NIBAN3: variants seen among roughly 807,000 people sequenced by gnomAD.
The protein encoded by NIBAN3 is niban apoptosis regulator 3, also known as protein Niban 3.
In NIBAN3, 66 loss-of-function variants were observed where a neutral mutation model predicts 76.4. The ratio of observed to expected loss-of-function variants is 0.86; its 90% CI spans 0.71 to 1.06. The LOEUF (loss-of-function observed/expected upper bound fraction) is 1.06, where lower values mean the gene tolerates loss of function less well. NIBAN3 is among the 50% of genes least tolerant of loss of function. The pLI, the probability that NIBAN3 is intolerant of heterozygous loss-of-function variation, is 0.00. For missense variants in NIBAN3, 808 were observed against 810.7 expected (o/e 1.00, Z 0.04); for synonymous variants, 360 against 355.2 (o/e 1.01, Z -0.15).
intron 3 of NIBAN3, 121 bp from the exon 4 acceptor site, chr19:17,533,466 A>T (rs1463229357): frequency 2.4e-6 from 1 of 419,672 alleles, no homozygotes; most frequent in Non-Finnish European, 4.0e-6. Context: ...AGAGGGAGGG[A>T]GGGGTGGGAG....
intron 4 of NIBAN3, 59 bp from the exon 5 acceptor site, chr19:17,537,317 G>T: frequency 6.5e-7 from 1 of 1,540,312 alleles, no homozygotes; most frequent in Non-Finnish European, 8.9e-7. Flanking sequence ...ATGCATTTCA[G>T]GGGTATTTTC....
chr19:17,527,193 C>T (rs576108729), upstream of NIBAN3: 8 of 1,540,916 alleles, frequency 5.2e-6, no homozygotes, highest in South Asian at 7.2e-5. Flanking sequence ...GTGGGGAGGA[C>T]GCAGGTGCAG....
chr19:17,540,072 C>T (rs1599736717), intron 8 of NIBAN3: 1 of 431,600 alleles, frequency 2.3e-6, no homozygotes, highest in East Asian at 3.7e-5. Context: ...ATAGGCGTGG[C>T]CTTGAGGCTG....
At chr19:17,555,434 G>A (rs2076203456), downstream of NIBAN3, among the ~76,000 whole-genome samples, 2 of 152,158 alleles carry the variant, frequency 1.3e-5, no homozygotes, top group Admixed American at 1.3e-4. Flanking sequence ...GAGGAAGCGC[G>A]GGTTCCTAAC....
chr19:17,539,725 G>C lies in NIBAN3; in HGVS notation c.939G>C (p.Gln313His). ...LEKTIRPDVD[Q>H]LLRQRARVAG... ...AGACGATCCGCCCGGACGTGGACCA[G>C]CTGCTGCGGCAGCGGGCGCGTGTGG... Residue 313 changes from glutamine to histidine, a missense_variant, in exon 8 of 15, where the codon CAG (glutamine) becomes CAC (histidine). By Grantham distance (24) the Gln-to-His change is conservative. Transcript: ENST00000599164. 6.5e-7 allele frequency: 1 copy of C among 1,543,908 alleles called. No homozygotes were observed.
At chr19:17,535,827 C>T (rs1385390680) in intron 4 of NIBAN3, among the ~76,000 whole-genome samples, 1 of 151,756 alleles carries the variant, frequency 6.6e-6, no homozygotes, top group Non-Finnish European at 1.5e-5. Context: ...TCACTCGAGC[C>T]TAGGAGTTTG....
Position 17,553,372 on chromosome 19 carries a change from C to T in NIBAN3, c.*1474C>T, listed in dbSNP as rs765719293. 1 of 1,614,054 alleles carries T rather than the reference C, an allele frequency of 6.2e-7. No individual in the cohort carries two copies. Among genetic ancestry groups the T allele is most frequent in the Non-Finnish European group, 8.5e-7 (1 of 1,180,054 alleles). The stretch of plus-strand genomic sequence containing the variant: ...TGGGAGACAAGCTTTTACCGACTTC[C>T]TCTGCTTGCCAGCAAAGTCATCTGC... On this transcript the variant is annotated 3_prime_UTR_variant, in exon 15 of 15. Coordinates refer to ENST00000599164, the MANE Select transcript of NIBAN3 (RefSeq NM_001321827.2).
chr19:17,531,934 A>G (rs1190923765), intron 2 of NIBAN3, among the ~76,000 whole-genome samples: 1 of 152,212 alleles, frequency 6.6e-6, no homozygotes, highest in Admixed American at 6.5e-5. Context: ...AGGCACAGAG[A>G]GGCCAAATGG....
At chr19:17,535,541 C>G (rs191623016) in intron 4 of NIBAN3, among the ~76,000 whole-genome samples, 2 of 152,248 alleles carry the variant, frequency 1.3e-5, no homozygotes, top group African/African-American at 4.8e-5. Context: ...GGGCAGATCA[C>G]CTGAGGTCCC....
Position 17,540,495 on chromosome 19 carries a change from G to T in NIBAN3, c.1083G>T (p.Glu361Asp). Reference protein sequence around the residue: ...TLLRTVEASLEAVRTLLAQGM... With the variant: ...TLLRTVEASLDAVRTLLAQGM... ...TGCGCACCGTGGAAGCCTCGCTCGA[G>T]GCGGTGCGGACCCTCCTGGCTCAAG... Residue 361 changes from glutamate to aspartate, a missense_variant, in exon 9 of 15, where the codon GAG becomes GAT. Coordinates refer to ENST00000599164, the MANE Select transcript of NIBAN3 (RefSeq NM_001321827.2). 1 of 1,600,112 alleles carries T rather than the reference G, an allele frequency of 6.2e-7. No individual in the cohort carries two copies.
At chr19:17,555,447 T>A (rs2076203548), downstream of NIBAN3, 1 of 207,724 alleles carries the variant, frequency 4.8e-6, no homozygotes, top group Admixed American at 6.0e-5. Flanking sequence ...TTCCTAACCC[T>A]AACGCTACCC....
intron 2 of NIBAN3, among the ~76,000 whole-genome samples, chr19:17,531,804 GA>G (rs1261969565): frequency 6.6e-6 from 1 of 152,166 alleles, no homozygotes; most frequent in African/African-American, 2.4e-5. Context: ...AAAGTGCTGG[GA>G]TTACAAGCGT....
Position 17,540,372 on chromosome 19 carries a change from C to T in NIBAN3, c.980-20C>T, listed in dbSNP as rs1250273782. On this transcript the variant is annotated intron_variant, in intron 8 of 14. Transcript: ENST00000599164. ...GGCACCTTGCGGAGGGGACTCCAGACCAGTGTCTTCCACTCCCAGCGGATA... is the reference window on the plus strand; with the variant it reads ...GGCACCTTGCGGAGGGGACTCCAGATCAGTGTCTTCCACTCCCAGCGGATA... The T allele has an allele frequency of 2.1e-6, 3 of 1,448,732 alleles. No individual in the cohort carries two copies. Among genetic ancestry groups the T allele is most frequent in the African/African-American group, 1.5e-5 (1 of 68,204 alleles). The allele number at this position is 1,448,732 out of a possible 1,614,324, so 89.7% of individuals were successfully genotyped here.
intron 9 of NIBAN3, among the ~76,000 whole-genome samples, chr19:17,541,829 G>A (rs2075958648): frequency 6.6e-6 from 1 of 151,922 alleles, no homozygotes; most frequent in South Asian, 2.1e-4. Flanking sequence ...GAGTACAGGT[G>A]TGTGCCACTA....
At position 17,539,470 on chromosome 19, in the gene NIBAN3, T is replaced by C. The variant is rs747916173; in HGVS notation, c.816+19T>C. The C allele has an allele frequency of 1.1e-5, 16 of 1,461,652 alleles. No individual in the cohort carries two copies. Among genetic ancestry groups the C allele is most frequent in the Admixed American group, 7.9e-5 (3 of 37,948 alleles). 90.5% of individuals were successfully genotyped at this position (1,461,652 alleles called of 1,614,324 possible). A position where few individuals can be genotyped will look rare whatever the true frequency, so the allele number is the denominator to read the frequency against. On this transcript the variant is annotated intron_variant, in intron 7 of 14. Coordinates refer to ENST00000599164, the MANE Select transcript of NIBAN3 (RefSeq NM_001321827.2). ...GACCGAGGTATGCACGGCGTCCGGA[T>C]CCGGGATAGGGGGCGGGATGCGGGC...
chr19:17,523,670 C>A (rs77081354), upstream of NIBAN3, among the ~76,000 whole-genome samples: 2 of 152,200 alleles, frequency 1.3e-5, no homozygotes, highest in Non-Finnish European at 2.9e-5. Flanking sequence ...CTCCTTTTGC[C>A]TTCGGAGTGA....
rs183231641 is a variant in NIBAN3 at position 17,541,510 on chromosome 19, G to C, written c.1171-626G>C. ...TTCTGCAGCCCCAGGGCCCAGCACA[G>C]ACAGAACATGAGATGGTATTCACAG... On this transcript the variant is annotated intron_variant, in intron 9 of 14. Coordinates refer to ENST00000599164, the MANE Select transcript of NIBAN3 (RefSeq NM_001321827.2). Among the ~76,000 whole-genome samples the C allele has an allele frequency of 2.1e-3, 325 of 152,216 alleles. 1 individual carries two copies. The highest frequency in any genetic ancestry group is 7.6e-3 in the African/African-American group (314 of 41,514).
At chr19:17,554,804 A>AAT (rs2076199848), downstream of NIBAN3, among the ~76,000 whole-genome samples, 1 of 142,854 alleles carries the variant, frequency 7.0e-6, no homozygotes, top group Non-Finnish European at 1.5e-5. Context: ...AGAAAATAAT[A>AAT]ATAATAATAA....
At chr19:17,523,522 G>C, upstream of NIBAN3, 1 of 1,431,242 alleles carries the variant, frequency 7.0e-7, no homozygotes, top group South Asian at 1.3e-5. Flanking sequence ...AGGGCAGGAG[G>C]CCGTGGCCCC....
Sources: allele counts gnomAD v4.1 joint callset (sites outside exome capture counted in the v4.1 genomes callset), GRCh38; gene constraint gnomAD v4.1.1; transcripts MANE v1.5; gene names NCBI Gene and HGNC (gene_info 2026-07-23, HGNC 2026-07-21).